The following CASZ1 variants were observed in gnomAD, a reference collection of about 807,000 sequenced individuals.
CASZ1 encodes castor zinc finger 1, also known as zinc finger protein castor homolog 1.
A neutral mutation model predicts 135.2 loss-of-function variants in CASZ1; 28 were observed. That is an observed-to-expected ratio of 0.21 (90% CI 0.15 to 0.28). The LOEUF (loss-of-function observed/expected upper bound fraction) is 0.28. Among genes scored for constraint, CASZ1 ranks in the 10% least tolerant of loss-of-function variants. The probability of loss-of-function intolerance (pLI) is 1.00; values close to 1 mark genes in which losing one functional copy is unlikely to be tolerated. For synonymous variants in CASZ1, 1,068 were observed against 1,073.4 expected (o/e 0.99, Z 0.10); for missense variants, 2,161 against 2,453.3 (o/e 0.88, Z 2.52).
intron 4 of CASZ1, among the ~76,000 whole-genome samples, chr1:10,688,937 G>A (rs895637743): frequency 3.9e-5 from 6 of 152,138 alleles, no homozygotes; most frequent in Non-Finnish European, 7.3e-5. Context: ...GGGGACCCAC[G>A]GGCGGTAATT....
In CASZ1 at chr1:10,657,503, G is replaced by A. The variant is rs922771416; in HGVS notation, c.1410-767C>T. 1.3e-5 allele frequency among the ~76,000 whole-genome samples: 2 copies of A among 152,184 alleles called. No homozygotes were observed. Among genetic ancestry groups the A allele is most frequent in the African/African-American group, 4.8e-5 (2 of 41,450 alleles). ...CCCCATACTGTAATGGGAAAACCAC[G>A]TGCAAACAAATATTTAGGCTGAAGT... is the stretch of plus-strand genomic sequence containing the variant. On this transcript the variant is annotated intron_variant, in intron 7 of 20. Coordinates refer to ENST00000377022, the MANE Select transcript of CASZ1 (RefSeq NM_001079843.3). This position sits in a 1 kb window ranked among gnomAD's most constrained non-coding sequence, Gnocchi z 5.7.
intron 3 of CASZ1, among the ~76,000 whole-genome samples, chr1:10,702,127 C>A (rs1639074611): frequency 6.6e-6 from 1 of 152,166 alleles, no homozygotes; most frequent in African/African-American, 2.4e-5. Context: ...GGGTACAGGT[C>A]CCAACCTAGG....
At chr1:10,742,475 A>C (rs1320282302) in intron 2 of CASZ1, among the ~76,000 whole-genome samples, 2 of 152,168 alleles carry the variant, frequency 1.3e-5, no homozygotes, top group African/African-American at 2.4e-5. Flanking sequence ...GCCTGAGTCC[A>C]TTCTCTCCCC....
intron 4 of CASZ1, among the ~76,000 whole-genome samples, chr1:10,669,775 G>T (rs1643347734): frequency 6.6e-6 from 1 of 152,162 alleles, no homozygotes. Context: ...GGGTGGGTGG[G>T]GGTCTGTCCC....
chr1:10,663,229 C>T (rs556711277), intron 5 of CASZ1, among the ~76,000 whole-genome samples: 2 of 152,118 alleles, frequency 1.3e-5, no homozygotes, highest in African/African-American at 4.8e-5. Context: ...CTCAGAGACA[C>T]CTGGGATGGG....
chr1:10,710,056 G>C (rs1355877407), intron 2 of CASZ1, among the ~76,000 whole-genome samples: 1 of 152,238 alleles, frequency 6.6e-6, no homozygotes, highest in African/African-American at 2.4e-5. Flanking sequence ...ATAGGGTCAA[G>C]AGGAAGGGCC....
rs1642847623 is a variant in CASZ1 at position 10,657,610 on chromosome 1, A to AT, written c.1410-875_1410-874insA. Among the ~76,000 whole-genome samples the AT allele has an allele frequency of 6.6e-6, 1 of 152,134 alleles. No individual in the cohort carries two copies. The highest frequency in any genetic ancestry group is 1.5e-5 in the Non-Finnish European group (1 of 68,028). ...AGGAGACAGCACGGGGCAGAGCTGA[A>AT]GACAGAGTGGGACAGGGGGGCGGAG... On this transcript the variant is annotated intron_variant, in intron 7 of 20. Transcript: ENST00000377022. This position sits in a 1 kb window ranked among gnomAD's most constrained non-coding sequence, Gnocchi z 5.7.
chr1:10,796,499 C>T (rs1343490761), intron 1 of CASZ1, 65 bp downstream of exon 1: 3 of 152,340 alleles, frequency 2.0e-5, no homozygotes, highest in African/African-American at 4.8e-5. Flanking sequence ...GGGAGGCGCC[C>T]CGGGAGGCCC....
chr1:10,672,076 C>T (rs934383311), intron 4 of CASZ1, among the ~76,000 whole-genome samples: 5 of 152,190 alleles, frequency 3.3e-5, no homozygotes, highest in African/African-American at 1.2e-4. Context: ...GGGACCTGCC[C>T]AGGCCACCTC....
In CASZ1 at chr1:10,759,580, T is replaced by C. The variant is rs1176239533; in HGVS notation, c.-77+1121A>G. 6.6e-6 allele frequency among the ~76,000 whole-genome samples: 1 copy of C among 152,182 alleles called. No individual in the cohort carries two copies. Among genetic ancestry groups the C allele is most frequent in the Non-Finnish European group, 1.5e-5 (1 of 68,038 alleles). On this transcript the variant is annotated intron_variant, in intron 2 of 20. Transcript: ENST00000377022. This position sits in a 1 kb window ranked among gnomAD's most constrained non-coding sequence, Gnocchi z 4.2. ...CCAGAGCTAGTTCCCTGAGGAGGCATGGCCTGGATTCAGGCAGGTCTGCAG... is the reference window on the plus strand; with the variant it reads ...CCAGAGCTAGTTCCCTGAGGAGGCACGGCCTGGATTCAGGCAGGTCTGCAG...
At chr1:10,722,691 C>A (rs1436108737) in intron 2 of CASZ1, among the ~76,000 whole-genome samples, 1 of 152,242 alleles carries the variant, frequency 6.6e-6, no homozygotes, top group Non-Finnish European at 1.5e-5. Flanking sequence ...CCATGTCTGC[C>A]CCCAGCAGAG....
intron 1 of CASZ1, among the ~76,000 whole-genome samples, chr1:10,779,283 T>G (rs992108730): frequency 5.2e-5 from 7 of 135,908 alleles, no homozygotes; most frequent in Non-Finnish European, 1.1e-4. Context: ...TTTATAATTT[T>G]TTTTTTTTTT....
intron 1 of CASZ1, among the ~76,000 whole-genome samples, chr1:10,771,316 T>TTTA (rs955808632): frequency 2.0e-4 from 30 of 151,866 alleles, no homozygotes; most frequent in Non-Finnish European, 2.9e-4. Context: ...CTTAGAAGTT[T>TTTA]TTATTATTAT....
chr1:10,722,604 G>C (rs1639520345), intron 2 of CASZ1, among the ~76,000 whole-genome samples: 2 of 152,254 alleles, frequency 1.3e-5, no homozygotes, highest in African/African-American at 4.8e-5. Context: ...GGGAGCCCAA[G>C]TGGGCAAGGC....
intron 4 of CASZ1, among the ~76,000 whole-genome samples, chr1:10,670,587 C>T (rs1303437138): frequency 2.6e-5 from 4 of 152,246 alleles, no homozygotes; most frequent in Non-Finnish European, 5.9e-5. Context: ...ACTCCTCAGG[C>T]TATGATGTGG....
At chr1:10,748,549 T>C (rs772678917) in intron 2 of CASZ1, among the ~76,000 whole-genome samples, 4 of 152,142 alleles carry the variant, frequency 2.6e-5, no homozygotes, top group Non-Finnish European at 5.9e-5. Flanking sequence ...GCCATGTCTA[T>C]AAAACAGTGG....
At chr1:10,761,758 AAC>A (rs1640379446) in intron 1 of CASZ1, among the ~76,000 whole-genome samples, 1 of 152,204 alleles carries the variant, frequency 6.6e-6, no homozygotes, top group Non-Finnish European at 1.5e-5. Context: ...TGCAAACACA[AAC>A]ACACAACCCG....
chr1:10,705,438 G>A (rs1250108002), intron 3 of CASZ1, 54 bp downstream of exon 3: 2 of 152,474 alleles, frequency 1.3e-5, no homozygotes, highest in Admixed American at 6.5e-5. Context: ...CATTAGGTGA[G>A]TGGTCACCAG....
At chr1:10,673,486 C>T (rs1643472128) in intron 4 of CASZ1, among the ~76,000 whole-genome samples, 2 of 152,046 alleles carry the variant, frequency 1.3e-5, no homozygotes. Context: ...CTCTCGCACT[C>T]TTGTGCTCAC....
Sources: gnomAD v4.1 joint callset for allele counts (sites outside exome capture counted in the v4.1 genomes callset) on GRCh38, gnomAD v4.1.1 for gene constraint, Gnocchi (gnomAD v3.1) non-coding constraint, MANE v1.5 for transcripts, NCBI Gene and HGNC (gene_info 2026-07-23, HGNC 2026-07-21) for gene names.